Variants in NMRK1 observed in about 807,000 individuals in gnomAD.
NMRK1 encodes the protein nicotinamide riboside kinase 1.
A neutral mutation model predicts 29.9 loss-of-function variants in NMRK1; 28 were observed. That is an observed-to-expected ratio of 0.94 (90% CI 0.69 to 1.28). The LOEUF (loss-of-function observed/expected upper bound fraction) is 1.28, where lower values mean the gene tolerates loss of function less well. NMRK1 is among the 50% of genes most tolerant of loss of function. NMRK1 has a pLI of 0.00. For missense variants in NMRK1, 218 were observed against 233.1 expected, an observed-to-expected ratio of 0.94 and a Z score of 0.42; for synonymous variants, 58 against 73.0, an observed-to-expected ratio of 0.79 and a Z score of 1.05.
chr9:75,066,702 A>C (rs1372996670), intron 8 of NMRK1, 55 bp downstream of exon 8: 3 of 951,936 alleles, frequency 3.2e-6, no homozygotes. Context: ...TATGTAATGA[A>C]TGATTTTCCT....
chr9:75,069,071 C>T lies in NMRK1; in HGVS notation c.421G>A (p.Gly141Arg), dbSNP rs1452215538. Reference sequence around the variant, plus strand: ...GGCCACACATGGCCATCAAAGTATCCCGGAGAGTCTGGAGGCTGATAGACC... The same window carrying T: ...GGCCACACATGGCCATCAAAGTATCTCGGAGAGTCTGGAGGCTGATAGACC... ...TRVYQPPDSP[G>R]YFDGHVWPMY... Residue 141 changes from glycine (G) to arginine (R), a missense_variant, in exon 7 of 9, where the codon GGA becomes AGA. Transcript: ENST00000361092. 1.9e-6 allele frequency: 3 copies of T among 1,613,892 alleles called. No individual in the cohort carries two copies. Among genetic ancestry groups the T allele is most frequent in the Non-Finnish European group, 2.5e-6 (3 of 1,179,926 alleles).
chr9:75,062,795 G>A (rs185658305), intron 8 of NMRK1, among the ~76,000 whole-genome samples: 2 of 152,336 alleles, frequency 1.3e-5, no homozygotes, highest in East Asian at 3.9e-4. Flanking sequence ...ACTATGGGAG[G>A]CCAAGGCAGA....
At chr9:75,085,495 C>A (rs1196864797) in intron 1 of NMRK1, among the ~76,000 whole-genome samples, 1 of 152,058 alleles carries the variant, frequency 6.6e-6, no homozygotes, top group African/African-American at 2.4e-5. Flanking sequence ...ATTGATGGGG[C>A]ATCTATTTGC....
chr9:75,072,588 T>C (rs1156612904), intron 4 of NMRK1, among the ~76,000 whole-genome samples: 1 of 152,196 alleles, frequency 6.6e-6, no homozygotes, highest in Non-Finnish European at 1.5e-5. Context: ...CAAAATTTCA[T>C]CATTATTAAA....
intron 7 of NMRK1, among the ~76,000 whole-genome samples, chr9:75,068,203 T>C (rs1036579484): frequency 3.3e-5 from 5 of 152,150 alleles, no homozygotes; most frequent in Admixed American, 3.3e-4. Context: ...CATCACACCC[T>C]ATAAATCTAT....
At position 75,060,810 on chromosome 9, in the gene NMRK1, ATTT is replaced by A. The variant is rs1386890455; in HGVS notation, c.*735_*737del. 1.3e-4 allele frequency: 19 copies of A among 148,844 alleles called. No individual in the cohort carries two copies. The highest frequency in any genetic ancestry group is 4.8e-4 in the African/African-American group (19 of 39,814). The allele number at this position is 148,844 out of a possible 1,614,324, so 9.2% of individuals were successfully genotyped here. A position where few individuals can be genotyped will look rare whatever the true frequency, so the allele number is the denominator to read the frequency against. On this transcript the variant is annotated 3_prime_UTR_variant, in exon 9 of 9. Coordinates refer to ENST00000361092, the MANE Select transcript of NMRK1 (RefSeq NM_017881.3). ...GGGGGAGAAAGAAACCAGAAACCCT[ATTT>A]GTAACAAAGTCTCAACAATGAGATA...
chr9:75,062,270 G>A (rs891946191), intron 8 of NMRK1, among the ~76,000 whole-genome samples: 3 of 152,242 alleles, frequency 2.0e-5, no homozygotes, highest in African/African-American at 7.2e-5. Flanking sequence ...GTGATCTTAT[G>A]TTAATTTGGA....
intron 8 of NMRK1, chr9:75,066,136 T>C (rs998333854): frequency 8.5e-6 from 3 of 353,992 alleles, no homozygotes; most frequent in Non-Finnish European, 1.7e-5. Context: ...CAGTAGGATA[T>C]AAATAACTCC....
At chr9:75,081,247 G>C (rs1357013632) in intron 2 of NMRK1, among the ~76,000 whole-genome samples, 5 of 152,148 alleles carry the variant, frequency 3.3e-5, no homozygotes, top group Non-Finnish European at 7.4e-5. Flanking sequence ...AACAAAAGTC[G>C]CCTTAACTGA....
At chr9:75,067,377 G>T (rs748089737) in intron 7 of NMRK1, among the ~76,000 whole-genome samples, 2 of 152,054 alleles carry the variant, frequency 1.3e-5, no homozygotes, top group South Asian at 2.1e-4. Context: ...GAGAAAAGAC[G>T]TATTTTTAAT....
At chr9:75,087,445 C>T (rs1330721942) in intron 1 of NMRK1, 1 of 152,072 alleles carries the variant, frequency 6.6e-6, no homozygotes, top group Non-Finnish European at 1.5e-5. Flanking sequence ...GCTTTGCCAG[C>T]TGCTACTCAA....
chr9:75,074,640 G>T (rs1022395094), intron 4 of NMRK1, among the ~76,000 whole-genome samples: 1 of 152,018 alleles, frequency 6.6e-6, no homozygotes, highest in African/African-American at 2.4e-5. Context: ...TACCCACCTT[G>T]GCCTCCCAAA....
chr9:75,075,847 A>G (rs1201816314), intron 4 of NMRK1, among the ~76,000 whole-genome samples: 11 of 152,212 alleles, frequency 7.2e-5, no homozygotes, highest in Admixed American at 7.2e-4. Context: ...TGGGTGGTTG[A>G]GGGTGGCCAA....
At chr9:75,078,045 C>G (rs891025905) in intron 2 of NMRK1, among the ~76,000 whole-genome samples, 2 of 152,156 alleles carry the variant, frequency 1.3e-5, no homozygotes, top group Admixed American at 6.5e-5. Flanking sequence ...ACTGGTAGAT[C>G]TGATGTACTT....
intron 6 of NMRK1, chr9:75,069,357 G>A: frequency 2.0e-6 from 1 of 492,588 alleles, no homozygotes; most frequent in Admixed American, 3.6e-5. Flanking sequence ...TGCTTTATAA[G>A]AGAACTAAGA....
At chr9:75,077,685 G>T in intron 2 of NMRK1, 105 bp from the exon 3 acceptor site, 2 of 752,104 alleles carry the variant, frequency 2.7e-6, no homozygotes, top group Non-Finnish European at 4.5e-6. Flanking sequence ...ACCAAGGCTG[G>T]AGTGCAGTGG....
chr9:75,087,283 A>G (rs1824715749), intron 1 of NMRK1, among the ~76,000 whole-genome samples: 1 of 152,156 alleles, frequency 6.6e-6, no homozygotes, highest in Non-Finnish European at 1.5e-5. Context: ...TTCCCCAAAT[A>G]TACAATTAAT....
chr9:75,070,741 A>G (rs1444729633), intron 4 of NMRK1, among the ~76,000 whole-genome samples: 1 of 152,188 alleles, frequency 6.6e-6, no homozygotes, highest in South Asian at 2.1e-4. Context: ...TTTTAGTGGA[A>G]GGTTTTTAAA....
rs1587343848 is a variant in NMRK1, at chr9:75,061,469, T to C, written c.*79A>G. On this transcript the variant is annotated 3_prime_UTR_variant, in exon 9 of 9. Transcript: ENST00000361092. Reference sequence around the variant, plus strand: ...GGCTGTCATTGTACCACAGTATACATTGTATCTTGGTGAAGGTTCTTAAAT... The same window carrying C: ...GGCTGTCATTGTACCACAGTATACACTGTATCTTGGTGAAGGTTCTTAAAT... 2 of 1,046,100 alleles carry C rather than the reference T, an allele frequency of 1.9e-6. No individual in the cohort carries two copies. The highest frequency in any genetic ancestry group is 2.9e-6 in the Non-Finnish European group (2 of 679,870). The allele number at this position is 1,046,100 out of a possible 1,614,324, so 64.8% of individuals were successfully genotyped here.
Sources: gnomAD v4.1 joint callset for allele counts (sites outside exome capture counted in the v4.1 genomes callset) on GRCh38, gnomAD v4.1.1 for gene constraint, MANE v1.5 for transcripts, NCBI Gene and HGNC (gene_info 2026-07-23, HGNC 2026-07-21) for gene names.